Variants in NKAIN3 observed in about 807,000 individuals in gnomAD.
NKAIN3 encodes sodium/potassium-transporting ATPase subunit beta-1-interacting protein 3.
A neutral mutation model predicts 30.2 loss-of-function variants in NKAIN3; 25 were observed. That is an observed-to-expected ratio of 0.83 (90% CI 0.60 to 1.16). The LOEUF (loss-of-function observed/expected upper bound fraction) is 1.16. NKAIN3 is among the 50% of genes most tolerant of loss of function. NKAIN3 has a pLI of 0.00. For synonymous variants in NKAIN3, 91 were observed against 89.6 expected, an observed-to-expected ratio of 1.02 and a Z score of -0.09; for missense variants, 225 against 254.1, an observed-to-expected ratio of 0.89 and a Z score of 0.78.
intron 1 of NKAIN3, among the ~76,000 whole-genome samples, chr8:62,407,855 G>A (rs955697093): frequency 6.6e-6 from 1 of 152,198 alleles, no homozygotes; most frequent in Non-Finnish European, 1.5e-5. Context: ...AACACAGAGA[G>A]ACCACGTCTC....
chr8:62,964,165 G>A lies in NKAIN3; in HGVS notation c.604-1189G>A, dbSNP rs115581842. 8.3e-3 allele frequency among the ~76,000 whole-genome samples: 1,270 copies of A among 152,312 alleles called. 22 individuals carry two copies. The highest frequency in any genetic ancestry group is 0.03 in the African/African-American group (1,229 of 41,566). On this transcript the variant is annotated intron_variant, in intron 6 of 6. Coordinates refer to ENST00000623646, the MANE Select transcript of NKAIN3 (RefSeq NM_001304533.3). ...GCTGATAGCCTGAGAGTTGCTCTTA[G>A]CAGGATGAGAAAGCAAAATGGCTGA...
intron 3 of NKAIN3, among the ~76,000 whole-genome samples, chr8:62,691,700 A>G (rs10101425): frequency 0.019 from 2,834 of 152,278 alleles, 84 homozygotes; most frequent in African/African-American, 0.063. Flanking sequence ...CCTGTACAAA[A>G]GGAAAGAAAC....
intron 1 of NKAIN3, among the ~76,000 whole-genome samples, chr8:62,366,223 C>CTT (rs71255329): frequency 2.3e-5 from 3 of 129,592 alleles, no homozygotes; most frequent in African/African-American, 8.6e-5. Flanking sequence ...ATTCTGTTTC[C>CTT]TTTTTTTTTT....
intron 3 of NKAIN3, among the ~76,000 whole-genome samples, chr8:62,647,340 G>A (rs1812493991): frequency 6.6e-6 from 1 of 152,180 alleles, no homozygotes; most frequent in Admixed American, 6.5e-5. Flanking sequence ...TACTTTTAAA[G>A]TTGTTCATCC....
At chr8:62,727,845 C>G (rs1021012533) in intron 3 of NKAIN3, among the ~76,000 whole-genome samples, 1 of 151,982 alleles carries the variant, frequency 6.6e-6, no homozygotes, top group Non-Finnish European at 1.5e-5. Context: ...CTGTTTCTTT[C>G]TTTGTTTTTT....
At chr8:62,643,318 G>A (rs1231376065) in intron 3 of NKAIN3, among the ~76,000 whole-genome samples, 3 of 152,106 alleles carry the variant, frequency 2.0e-5, no homozygotes, top group Non-Finnish European at 4.4e-5. Context: ...GAGGTGAAGA[G>A]TAACTTGTCC....
chr8:62,793,872 C>T (rs1400107855), intron 4 of NKAIN3, among the ~76,000 whole-genome samples: 1 of 152,128 alleles, frequency 6.6e-6, no homozygotes, highest in Non-Finnish European at 1.5e-5. Flanking sequence ...TAATTAATTC[C>T]TAACATTACT....
At chr8:62,934,558 G>A (rs913707305) in intron 5 of NKAIN3, among the ~76,000 whole-genome samples, 3 of 152,058 alleles carry the variant, frequency 2.0e-5, no homozygotes, top group African/African-American at 7.3e-5. Context: ...GACAGAAGCT[G>A]CAGCAGTAGT....
At position 62,616,844 on chromosome 8, in the gene NKAIN3, AG is replaced by A. The variant is rs1811469525; in HGVS notation, c.273+27051del. ...CTCATTAAAATAAACTCGGCAATATAGTTTGGATGTCCTCTCCAAATCTCAT... is the reference window on the plus strand; with the variant it reads ...CTCATTAAAATAAACTCGGCAATATATTTGGATGTCCTCTCCAAATCTCAT... On this transcript the variant is annotated intron_variant, in intron 3 of 6. Coordinates refer to ENST00000623646, the MANE Select transcript of NKAIN3 (RefSeq NM_001304533.3). 5.9e-5 allele frequency among the ~76,000 whole-genome samples: 9 copies of A among 152,232 alleles called. No homozygotes were observed. The South Asian group carries it at 1.9e-3, about 32-fold the overall frequency.
intron 2 of NKAIN3, among the ~76,000 whole-genome samples, chr8:62,582,776 G>A (rs1375903766): frequency 6.6e-6 from 1 of 152,182 alleles, no homozygotes. Flanking sequence ...TAAGGAGTGA[G>A]GAGGCGCAGG....
At chr8:62,396,261 T>G (rs1817760481) in intron 1 of NKAIN3, among the ~76,000 whole-genome samples, 1 of 152,208 alleles carries the variant, frequency 6.6e-6, no homozygotes, top group Non-Finnish European at 1.5e-5. Context: ...GCTTCCCTTG[T>G]GTGATTATTT....
intron 1 of NKAIN3, among the ~76,000 whole-genome samples, chr8:62,453,759 A>C (rs1393709136): frequency 6.6e-6 from 1 of 152,230 alleles, no homozygotes; most frequent in Non-Finnish European, 1.5e-5. Context: ...CGATATGCGC[A>C]TAAGCTAGAA....
At chr8:62,258,716 GT>G (rs1812336945) in intron 1 of NKAIN3, among the ~76,000 whole-genome samples, 1 of 152,032 alleles carries the variant, frequency 6.6e-6, no homozygotes, top group Non-Finnish European at 1.5e-5. Flanking sequence ...CAAATCATTC[GT>G]TAAAAATAAA....
chr8:62,532,502 G>A (rs1429587882), intron 1 of NKAIN3, among the ~76,000 whole-genome samples: 1 of 152,268 alleles, frequency 6.6e-6, no homozygotes, highest in South Asian at 2.1e-4. Flanking sequence ...ATAGAGCTGG[G>A]AAGCTAATCT....
rs1371068981 is a variant in NKAIN3 at position 62,566,002 on chromosome 8, C to T, written c.55-13537C>T. Among the ~76,000 whole-genome samples the T allele has an allele frequency of 2.0e-5, 3 of 152,058 alleles. No homozygotes were observed. The East Asian group carries it at 5.8e-4, about 29-fold the overall frequency. On this transcript the variant is annotated intron_variant, in intron 1 of 6. Transcript: ENST00000623646. ...TCTATGAATGCTTGTTGCTTTTGCC[C>T]ACTGTAAAGTCAAAAAATCCCAAGT...
At chr8:62,670,700 C>A (rs1196541015) in intron 3 of NKAIN3, among the ~76,000 whole-genome samples, 1 of 152,100 alleles carries the variant, frequency 6.6e-6, no homozygotes, top group Non-Finnish European at 1.5e-5. Context: ...AGGTTCTTTC[C>A]TTCCTGAGTA....
chr8:62,553,132 A>G (rs1282846288), intron 1 of NKAIN3, among the ~76,000 whole-genome samples: 1 of 152,186 alleles, frequency 6.6e-6, no homozygotes, highest in African/African-American at 2.4e-5. Context: ...CATTAAAATC[A>G]TCACATTATT....
At chr8:62,992,141 G>A (rs1356570526) in intron 5 of NKAIN3, among the ~76,000 whole-genome samples, 1 of 151,892 alleles carries the variant, frequency 6.6e-6, no homozygotes, top group Non-Finnish European at 1.5e-5. Context: ...GCCTCCCAGA[G>A]TAGCTGGGAT....
At chr8:62,806,060 C>G (rs897744945) in intron 4 of NKAIN3, among the ~76,000 whole-genome samples, 1 of 152,100 alleles carries the variant, frequency 6.6e-6, no homozygotes, top group Admixed American at 6.6e-5. Context: ...AAAATGCTCA[C>G]CATCACTGGC....
Sources: allele counts gnomAD v4.1 joint callset (sites outside exome capture counted in the v4.1 genomes callset), GRCh38; gene constraint gnomAD v4.1.1; transcripts MANE v1.5; gene names NCBI Gene and HGNC (gene_info 2026-07-23, HGNC 2026-07-21).